MAP1B: variants seen among roughly 807,000 people sequenced by gnomAD.
The protein encoded by MAP1B is microtubule associated protein 1B.
A neutral mutation model predicts 176.1 loss-of-function variants in MAP1B; 12 were observed. The observed-to-expected ratio is 0.07, with a 90% CI of 0.04 to 0.11. The LOEUF (loss-of-function observed/expected upper bound fraction) is 0.11, where lower values mean the gene tolerates loss of function less well. Among genes scored for constraint, MAP1B ranks in the 10% least tolerant of loss-of-function variants. The pLI, the probability that MAP1B is intolerant of heterozygous loss-of-function variation, is 1.00. For synonymous variants in MAP1B, 1,044 were observed against 1,135.0 expected (o/e 0.92, Z 1.61); for missense variants, 2,523 against 2,990.5 (o/e 0.84, Z 3.65).
At chr5:72,175,330 A>G (rs1746631727) in intron 2 of MAP1B, among the ~76,000 whole-genome samples, 1 of 151,996 alleles carries the variant, frequency 6.6e-6, no homozygotes, top group Non-Finnish European at 1.5e-5. Context: ...AGGTTACCCC[A>G]TCACCCTTCA....
Position 72,107,526 on chromosome 5 carries a change from G to T in MAP1B, c.-6G>T. On this transcript the variant is annotated 5_prime_UTR_variant, in exon 1 of 7. Transcript: ENST00000296755. Reference sequence around the variant, plus strand: ...GACACTTCGCCGAGGCACAGCAGCCGGCAGGATGGCGACCGTGGTGGTGGA... The same window carrying T: ...GACACTTCGCCGAGGCACAGCAGCCTGCAGGATGGCGACCGTGGTGGTGGA... 1.3e-6 allele frequency: 2 copies of T among 1,557,136 alleles called. No individual in the cohort carries two copies. Among genetic ancestry groups the T allele is most frequent in the Admixed American group, 1.8e-5 (1 of 54,196 alleles).
rs1366098816 is a variant in MAP1B, at chr5:72,196,721, T to C, written c.3366T>C (p.Ser1122=). The C allele has an allele frequency of 3.1e-6, 5 of 1,614,058 alleles. No individual in the cohort carries two copies. The Admixed American group carries it at 8.3e-5, about 27-fold the overall frequency. ...EFTATSGYTQ[S]TIEISSEPTP... Reference sequence around the variant, plus strand: ...CTGCCACCTCTGGCTACACTCAGTCTACTATTGAGATATCCAGTGAGCCCA... The same window carrying C: ...CTGCCACCTCTGGCTACACTCAGTCCACTATTGAGATATCCAGTGAGCCCA... Residue 1122 remains serine (S), a synonymous_variant, in exon 5 of 7, where the codon TCT becomes TCC. Coordinates refer to ENST00000296755, the MANE Select transcript of MAP1B (RefSeq NM_005909.5). The surrounding 1 kb of genome is among the most constrained non-coding windows in gnomAD (Gnocchi z 5.3).
chr5:72,181,671 C>A (rs1580011178), intron 2 of MAP1B, among the ~76,000 whole-genome samples: 1 of 151,950 alleles, frequency 6.6e-6, no homozygotes, highest in African/African-American at 2.4e-5. Flanking sequence ...GATTCTCCTG[C>A]CTCAGCCTCC....
intron 3 of MAP1B, 124 bp downstream of exon 3, chr5:72,183,949 A>G: frequency 1.3e-6 from 1 of 798,988 alleles, no homozygotes; most frequent in Non-Finnish European, 2.0e-6. Context: ...TTCTGGGTTA[A>G]GAGGTCTTTC....
At chr5:72,107,801 C>T (rs1418193919) in intron 1 of MAP1B, 86 bp downstream of exon 1, 2 of 1,379,310 alleles carry the variant, frequency 1.5e-6, no homozygotes, top group African/African-American at 1.4e-5. Context: ...CTGCGCTCCT[C>T]CCGCGCGCCC....
chr5:72,132,715 G>A (rs1049974251), intron 2 of MAP1B, among the ~76,000 whole-genome samples: 1 of 152,114 alleles, frequency 6.6e-6, no homozygotes, highest in African/African-American at 2.4e-5. Context: ...TAGTGGCAAC[G>A]TCTGCATCTT....
rs73125450 is a variant in MAP1B at position 72,176,869 on chromosome 5, C to T, written c.287-6874C>T. Among the ~76,000 whole-genome samples the T allele has an allele frequency of 2.4e-3, 361 of 152,244 alleles. 3 individuals carry two copies. The highest frequency in any genetic ancestry group is 8.1e-3 in the African/African-American group (338 of 41,530). Reference sequence around the variant, plus strand: ...AGCCTCAGGCTGAGATGTGCAAGAGCGGATGAATGCGAAAAGATGAATGAG... The same window carrying T: ...AGCCTCAGGCTGAGATGTGCAAGAGTGGATGAATGCGAAAAGATGAATGAG... On this transcript the variant is annotated intron_variant, in intron 2 of 6. Coordinates refer to ENST00000296755, the MANE Select transcript of MAP1B (RefSeq NM_005909.5).
chr5:72,141,463 C>T (rs897921500), intron 2 of MAP1B, among the ~76,000 whole-genome samples: 3 of 152,184 alleles, frequency 2.0e-5, no homozygotes, highest in Non-Finnish European at 2.9e-5. Context: ...TCAGACCAGC[C>T]CTGTCTCTGG....
chr5:72,200,030 G>A lies in MAP1B; in HGVS notation c.6675G>A (p.Leu2225=), dbSNP rs1747295710. The change falls in exon 5 of 7, where the codon TTG becomes TTA. Residue 2225 remains leucine, a synonymous_variant. Transcript: ENST00000296755. Reference sequence around the variant, plus strand: ...TGTCCATGGTGGACCCAGAGGCCTTGGCCATTGAGCAGAACCTGGGCAAAG... The same window carrying A: ...TGTCCATGGTGGACCCAGAGGCCTTAGCCATTGAGCAGAACCTGGGCAAAG... ...PDVSMVDPEA[L]AIEQNLGKAL... is the part of the protein sequence containing the mutation. The A allele has an allele frequency of 6.2e-7, 1 of 1,614,206 alleles. No homozygotes were observed. The highest frequency in any genetic ancestry group is 8.5e-7 in the Non-Finnish European group (1 of 1,180,032).
In MAP1B at chr5:72,194,008, C is replaced by T. The variant is rs1747087497; in HGVS notation, c.653C>T (p.Ser218Phe). The T allele has an allele frequency of 1.2e-6, 2 of 1,614,122 alleles. No individual in the cohort carries two copies. Among genetic ancestry groups the T allele is most frequent in the African/African-American group, 1.3e-5 (1 of 74,938 alleles). The change falls in exon 5 of 7, where the codon TCT (serine) becomes TTT (phenylalanine). Residue 218 changes from serine (S) to phenylalanine (F), a missense_variant. Physicochemically the swap from Ser to Phe is radical, Grantham distance 155 (BLOSUM62 -2). Coordinates refer to ENST00000296755, the MANE Select transcript of MAP1B (RefSeq NM_005909.5). The surrounding 1 kb of genome is among the most constrained non-coding windows in gnomAD (Gnocchi z 7.2). The part of the protein sequence containing the change: ...DFINIKLNSA[S>F]ILPEMEGLSE... ...ATCAATATTAAACTCAATTCAGCTTCTATCTTGCCAGAAATGGAAGGACTT... is the reference window on the plus strand; with the variant it reads ...ATCAATATTAAACTCAATTCAGCTTTTATCTTGCCAGAAATGGAAGGACTT...
rs553946954 is a variant in MAP1B at position 72,158,823 on chromosome 5, T to C, written c.287-24920T>C. Among the ~76,000 whole-genome samples, 4 of 152,318 alleles carry C rather than the reference T, an allele frequency of 2.6e-5. No homozygotes were observed. In the South Asian group the frequency reaches 8.3e-4, roughly 32 times the overall value. On this transcript the variant is annotated intron_variant, in intron 2 of 6. Coordinates refer to ENST00000296755, the MANE Select transcript of MAP1B (RefSeq NM_005909.5). ...TGGAGCATAACTAGAGACAAGAATC[T>C]GGGCCCAGAGAGGTTTTATGTAAAT...
At chr5:72,176,372 C>T (rs1746655069) in intron 2 of MAP1B, among the ~76,000 whole-genome samples, 1 of 152,228 alleles carries the variant, frequency 6.6e-6, no homozygotes, top group South Asian at 2.1e-4. Flanking sequence ...GGAATAGTGT[C>T]ACAGCACTGA....
At chr5:72,117,711 A>T (rs958117357) in intron 2 of MAP1B, among the ~76,000 whole-genome samples, 1 of 152,122 alleles carries the variant, frequency 6.6e-6, no homozygotes, top group African/African-American at 2.4e-5. Flanking sequence ...GTGTTTGGAG[A>T]TTGGCCTTTG....
intron 2 of MAP1B, among the ~76,000 whole-genome samples, chr5:72,155,618 G>C (rs1398921676): frequency 1.3e-5 from 2 of 152,170 alleles, no homozygotes; most frequent in Non-Finnish European, 2.9e-5. Flanking sequence ...AGTCAGGAGA[G>C]TGGTGATGTT....
chr5:72,176,972 T>C (rs1580008656), intron 2 of MAP1B, among the ~76,000 whole-genome samples: 4 of 152,346 alleles, frequency 2.6e-5, no homozygotes, highest in Admixed American at 2.6e-4. Flanking sequence ...TTTACTTCCC[T>C]GGAGACAGAT....
chr5:72,131,492 C>G (rs1394280759), intron 2 of MAP1B, among the ~76,000 whole-genome samples: 1 of 152,114 alleles, frequency 6.6e-6, no homozygotes, highest in East Asian at 1.9e-4. Context: ...AGAAGTGATT[C>G]TAAAATATTT....
chr5:72,198,932 C>T lies in MAP1B; in HGVS notation c.5577C>T (p.Asp1859=), dbSNP rs1278711535. The T allele has an allele frequency of 4.3e-6, 7 of 1,614,064 alleles. No homozygotes were observed. Among genetic ancestry groups the T allele is most frequent in the African/African-American group, 1.3e-5 (1 of 74,928 alleles). The change falls in exon 5 of 7, where the codon GAC becomes GAT. Residue 1859 remains aspartate, a synonymous_variant. Coordinates refer to ENST00000296755, the MANE Select transcript of MAP1B (RefSeq NM_005909.5). ...RDLSTPGLEK[D]SGGKTPGDFS... ...TGTCCACACCTGGCCTGGAGAAGGA[C>T]AGTGGAGGGAAGACACCTGGTGACT... is the stretch of plus-strand genomic sequence containing the variant.
At chr5:72,125,773 T>C (rs2112134169) in intron 2 of MAP1B, among the ~76,000 whole-genome samples, 1 of 152,316 alleles carries the variant, frequency 6.6e-6, no homozygotes, top group East Asian at 1.9e-4. Flanking sequence ...ATCATCTTTG[T>C]GACCAGGGAA....
At chr5:72,112,511 T>A (rs146898303) in intron 1 of MAP1B, among the ~76,000 whole-genome samples, 166 of 152,298 alleles carry the variant, frequency 1.1e-3, no homozygotes, top group Non-Finnish European at 2.0e-3. Flanking sequence ...CCCTGCCCCA[T>A]AACCTATTCT....
Sources: allele counts gnomAD v4.1 joint callset (sites outside exome capture counted in the v4.1 genomes callset), GRCh38; gene constraint gnomAD v4.1.1; non-coding constraint Gnocchi (gnomAD v3.1); transcripts MANE v1.5; gene names NCBI Gene and HGNC (gene_info 2026-07-23, HGNC 2026-07-21).